Variants in PRDM5 observed in about 807,000 individuals in gnomAD.
The protein encoded by PRDM5 is PR/SET domain 5.
PRDM5 carries 56 observed loss-of-function variants against 81.2 expected under a neutral mutation model. That is an observed-to-expected ratio of 0.69 (90% CI 0.56 to 0.86). PRDM5 has a LOEUF of 0.86. Among genes scored for constraint, PRDM5 ranks in the 40% least tolerant of loss-of-function variants. PRDM5 has a pLI of 0.00. For missense variants in PRDM5, 697 were observed against 770.1 expected (o/e 0.91, Z 1.12); for synonymous variants, 267 against 256.4 (o/e 1.04, Z -0.39).
At chr4:120,816,376 A>G (rs770490375) in intron 7 of PRDM5, 77 bp downstream of exon 7, 8 of 1,609,942 alleles carry the variant, frequency 5.0e-6, no homozygotes, top group African/African-American at 1.3e-5. Flanking sequence ...TCTCCTCAAG[A>G]GCGAGAATTA....
At chr4:120,853,284 A>T (rs1226483169) in intron 3 of PRDM5, 134 bp downstream of exon 3, 118 of 1,357,930 alleles carry the variant, frequency 8.7e-5, no homozygotes, top group Non-Finnish European at 1.2e-4. Flanking sequence ...ACTAGATGAG[A>T]TTTCTCTGCT....
At chr4:120,740,253 G>A (rs529665868) in intron 14 of PRDM5, among the ~76,000 whole-genome samples, 22 of 152,110 alleles carry the variant, frequency 1.4e-4, no homozygotes, top group Non-Finnish European at 3.1e-4. Flanking sequence ...ATATTCTCTT[G>A]TTCCTATAGG....
intron 14 of PRDM5, among the ~76,000 whole-genome samples, chr4:120,717,243 A>T (rs1055440136): frequency 6.6e-6 from 1 of 152,158 alleles, no homozygotes; most frequent in Non-Finnish European, 1.5e-5. Context: ...CTTTGTCATC[A>T]CAACTTGGGA....
chr4:120,878,260 T>G (rs1308896002), intron 2 of PRDM5, among the ~76,000 whole-genome samples: 1 of 151,976 alleles, frequency 6.6e-6, no homozygotes, highest in Non-Finnish European at 1.5e-5. Context: ...TTCATCAAAA[T>G]AAATAAATAA....
chr4:120,817,350 G>A (rs1754667404), intron 5 of PRDM5, among the ~76,000 whole-genome samples: 1 of 152,050 alleles, frequency 6.6e-6, no homozygotes, highest in Admixed American at 6.6e-5. Context: ...GTCTTAGTAT[G>A]AAATGTAGCA....
chr4:120,773,144 G>C (rs926081086), intron 13 of PRDM5, among the ~76,000 whole-genome samples: 1 of 152,174 alleles, frequency 6.6e-6, no homozygotes, highest in Non-Finnish European at 1.5e-5. Flanking sequence ...TGATTGAGTT[G>C]CAAGCTGACC....
intron 7 of PRDM5, 120 bp from the exon 8 acceptor site, chr4:120,811,569 G>A (rs764710974): frequency 3.5e-6 from 2 of 579,456 alleles, no homozygotes; most frequent in African/African-American, 1.9e-5. Flanking sequence ...ACAATTCAGT[G>A]TTGTAGATAT....
chr4:120,784,183 T>C (rs1021573712), intron 11 of PRDM5, among the ~76,000 whole-genome samples: 2 of 152,122 alleles, frequency 1.3e-5, no homozygotes, highest in Non-Finnish European at 2.9e-5. Flanking sequence ...GGCAATAACA[T>C]GTTCTTCTCA....
chr4:120,690,665 G>A (rs368234819), downstream of PRDM5, among the ~76,000 whole-genome samples: 8 of 151,972 alleles, frequency 5.3e-5, no homozygotes, highest in East Asian at 7.7e-4. Context: ...GTAATGGAGT[G>A]ATTCACGTAT....
chr4:120,755,965 A>C (rs1198327724), intron 13 of PRDM5, among the ~76,000 whole-genome samples: 4 of 152,150 alleles, frequency 2.6e-5, no homozygotes, highest in Non-Finnish European at 5.9e-5. Context: ...TAAAAACAAC[A>C]ATCACAACAC....
intron 10 of PRDM5, among the ~76,000 whole-genome samples, chr4:120,785,926 C>T (rs2149251325): frequency 6.6e-6 from 1 of 152,148 alleles, no homozygotes; most frequent in East Asian, 1.9e-4. Flanking sequence ...AAACAGCAAA[C>T]ACTGCTCACT....
chr4:120,886,134 T>A (rs139684478), intron 2 of PRDM5, among the ~76,000 whole-genome samples: 7 of 152,156 alleles, frequency 4.6e-5, no homozygotes, highest in Middle Eastern at 3.4e-3. Flanking sequence ...GTTTTAGGAG[T>A]TCCAGCATTC....
At chr4:120,897,462 T>G (rs1400468402) in intron 2 of PRDM5, among the ~76,000 whole-genome samples, 2 of 152,170 alleles carry the variant, frequency 1.3e-5, no homozygotes, top group African/African-American at 4.8e-5. Flanking sequence ...CTGACACTGT[T>G]TCAGGCTCAT....
At chr4:120,749,468 C>T (rs565827161) in intron 14 of PRDM5, among the ~76,000 whole-genome samples, 3 of 152,178 alleles carry the variant, frequency 2.0e-5, no homozygotes, top group South Asian at 2.1e-4. Context: ...AGACAAGGTC[C>T]GAGGGTGGAG....
downstream of PRDM5, among the ~76,000 whole-genome samples, chr4:120,688,867 T>A (rs1733935457): frequency 6.6e-6 from 1 of 152,206 alleles, no homozygotes; most frequent in Non-Finnish European, 1.5e-5. Flanking sequence ...GCATAAATAC[T>A]GTTTTGATGA....
chr4:120,724,270 C>T (rs1025521109), intron 14 of PRDM5, among the ~76,000 whole-genome samples: 2 of 152,076 alleles, frequency 1.3e-5, no homozygotes, highest in African/African-American at 4.8e-5. Context: ...AAGGGAAACA[C>T]AAAAAGGTTT....
chr4:120,711,606 G>A (rs1016415193), intron 14 of PRDM5, among the ~76,000 whole-genome samples: 1 of 151,746 alleles, frequency 6.6e-6, no homozygotes, highest in African/African-American at 2.4e-5. Context: ...CACTGCACCT[G>A]TGTTTTCATT....
At chr4:120,714,700 T>A (rs2149040151) in intron 14 of PRDM5, among the ~76,000 whole-genome samples, 1 of 152,258 alleles carries the variant, frequency 6.6e-6, no homozygotes, top group South Asian at 2.1e-4. Context: ...GTGTCTGGGA[T>A]TTGAAATAGT....
chr4:120,690,741 A>T (rs1734010508), downstream of PRDM5, among the ~76,000 whole-genome samples: 1 of 152,044 alleles, frequency 6.6e-6, no homozygotes, highest in Non-Finnish European at 1.5e-5. Flanking sequence ...TATTTTTTGA[A>T]TTTTTTAAGT....
Sources: gnomAD v4.1 joint callset for allele counts (sites outside exome capture counted in the v4.1 genomes callset) on GRCh38, gnomAD v4.1.1 for gene constraint, MANE v1.5 for transcripts, NCBI Gene and HGNC (gene_info 2026-07-23, HGNC 2026-07-21) for gene names.